Variants in DOT1L observed in about 807,000 individuals in gnomAD.
DOT1L encodes the protein histone-lysine N-methyltransferase, H3 lysine-79 specific.
DOT1L carries 33 observed loss-of-function variants against 153.3 expected under a neutral mutation model. The ratio of observed to expected loss-of-function variants is 0.22; its 90% CI spans 0.16 to 0.29. The LOEUF is 0.29. Ranked by LOEUF, DOT1L falls within the 10% of genes least tolerant of loss-of-function variation. DOT1L has a pLI of 1.00. For synonymous variants in DOT1L, 1,135 were observed against 965.1 expected, an observed-to-expected ratio of 1.18 and a Z score of -3.26; for missense variants, 1,847 against 2,119.9, an observed-to-expected ratio of 0.87 and a Z score of 2.53.
rs1190439336 is a variant in DOT1L, at chr19:2,207,237, G to A, written c.857-337G>A. Among the ~76,000 whole-genome samples the A allele has an allele frequency of 1.3e-5, 2 of 152,218 alleles. No homozygotes were observed. Among genetic ancestry groups the A allele is most frequent in the Non-Finnish European group, 2.9e-5 (2 of 68,024 alleles). On this transcript the variant is annotated intron_variant, in intron 10 of 27. Transcript: ENST00000398665. This position sits in a 1 kb window ranked among gnomAD's most constrained non-coding sequence, Gnocchi z 4.5. ...GCCTCCTCTGAGGGGCTTCCCTGAG[G>A]AGCGCCCACCCGGGAGGTGCCTGTG... is the stretch of plus-strand genomic sequence containing the variant.
chr19:2,220,299 G>C lies in DOT1L; in HGVS notation c.2806+77G>C, dbSNP rs1358028864. 1 of 1,440,568 alleles carries C rather than the reference G, an allele frequency of 6.9e-7. No homozygotes were observed. The highest frequency in any genetic ancestry group is 9.5e-7 in the Non-Finnish European group (1 of 1,051,066). The allele number at this position is 1,440,568 out of a possible 1,614,324, so 89.2% of individuals were successfully genotyped here. A position where few individuals can be genotyped will look rare whatever the true frequency, so the allele number is the denominator to read the frequency against. The stretch of plus-strand genomic sequence containing the variant: ...TTCAGGCAGGAGGGCTGGGTTGCTG[G>C]GAGTGGAACAGGGCTTCCTGGGGTG... On this transcript the variant is annotated intron_variant, in intron 23 of 27. Transcript: ENST00000398665. The surrounding 1 kb of genome is among the most constrained non-coding windows in gnomAD (Gnocchi z 4.5).
chr19:2,212,525 G>A (rs1322205670), intron 16 of DOT1L: 3 of 152,270 alleles, frequency 2.0e-5, no homozygotes, highest in African/African-American at 7.2e-5. Flanking sequence ...TCAGCTCAGG[G>A]ACTGTTCAAG....
Position 2,231,723 on chromosome 19 carries a change from C to T in DOT1L, c.*1931C>T, listed in dbSNP as rs192626755. ...GCCGGATACGCCACAGGGTTGATGG[C>T]AGAGACGGCCGAGTCCCTGGTCTAG... On this transcript the variant is annotated 3_prime_UTR_variant, in exon 28 of 28. Coordinates refer to ENST00000398665, the MANE Select transcript of DOT1L (RefSeq NM_032482.3). 398 of 213,284 alleles carry T rather than the reference C, an allele frequency of 1.9e-3. 1 individual carries two copies. The highest frequency in any genetic ancestry group is 3.3e-3 in the Non-Finnish European group (348 of 105,476). 13.2% of individuals were successfully genotyped at this position (213,284 alleles called of 1,614,324 possible).
At chr19:2,198,178 G>A (rs1317538847) in intron 7 of DOT1L, among the ~76,000 whole-genome samples, 2 of 152,348 alleles carry the variant, frequency 1.3e-5, no homozygotes, top group East Asian at 1.9e-4. Context: ...CCTGTGATGC[G>A]AGCCCGGATC....
rs66826356 is a variant in DOT1L, at chr19:2,167,734, C to CT, written c.81+3488dup. Among the ~76,000 whole-genome samples, 634 of 134,682 alleles carry CT rather than the reference C, an allele frequency of 4.7e-3. 6 individuals carry two copies. Among genetic ancestry groups the CT allele is most frequent in the East Asian group, 0.012 (57 of 4,626 alleles). 88.4% of individuals were successfully genotyped at this position (134,682 alleles called of 152,430 possible). On this transcript the variant is annotated intron_variant, in intron 1 of 27. Transcript: ENST00000398665. ...GGTGGTTCTGATTTTCTTTTCTTTT[C>CT]TTTTTTTTTTTTTTTTTTTGAGACA...
intron 1 of DOT1L, among the ~76,000 whole-genome samples, chr19:2,170,551 C>T (rs116595981): frequency 6.6e-6 from 1 of 152,112 alleles, no homozygotes; most frequent in Admixed American, 6.5e-5. Context: ...CAACTCACTT[C>T]CAGCATGTCT....
At chr19:2,205,358 A>G (rs1403953258) in intron 9 of DOT1L, among the ~76,000 whole-genome samples, 3 of 152,200 alleles carry the variant, frequency 2.0e-5, no homozygotes, top group Non-Finnish European at 4.4e-5. Flanking sequence ...GGCTCCTGAC[A>G]CCAAGTTCTT....
chr19:2,186,906 G>A (rs978287824), intron 3 of DOT1L, among the ~76,000 whole-genome samples: 1 of 152,222 alleles, frequency 6.6e-6, no homozygotes, highest in Non-Finnish European at 1.5e-5. Context: ...GTGATGCAGC[G>A]TGCAGATCAA....
Position 2,217,732 on chromosome 19 carries a change from T to G in DOT1L, c.2545-40T>G. 1 of 1,573,522 alleles carries G rather than the reference T, an allele frequency of 6.4e-7. No individual in the cohort carries two copies. Among genetic ancestry groups the G allele is most frequent in the Admixed American group, 1.8e-5 (1 of 54,508 alleles). On this transcript the variant is annotated intron_variant, in intron 21 of 27. Coordinates refer to ENST00000398665, the MANE Select transcript of DOT1L (RefSeq NM_032482.3). The surrounding 1 kb of genome is among the most constrained non-coding windows in gnomAD (Gnocchi z 7.3). Reference sequence around the variant, plus strand: ...CTGTGGTCCCTGTGTCCTGGAGGGGTTTGTTGACCCACGACTGGGGGTCGG... The same window carrying G: ...CTGTGGTCCCTGTGTCCTGGAGGGGGTTGTTGACCCACGACTGGGGGTCGG...
Position 2,191,583 on chromosome 19 carries a change from TG to T in DOT1L, c.493+346del, listed in dbSNP as rs2022794686. ...TCCCAGAAGCTGCCACTCGCTAGCCTGGGCCCCAGCCCGGGCCCCACCCACG... is the reference window on the plus strand; with the variant it reads ...TCCCAGAAGCTGCCACTCGCTAGCCTGGCCCCAGCCCGGGCCCCACCCACG... On this transcript the variant is annotated intron_variant, in intron 5 of 27. Coordinates refer to ENST00000398665, the MANE Select transcript of DOT1L (RefSeq NM_032482.3). The surrounding 1 kb of genome is among the most constrained non-coding windows in gnomAD (Gnocchi z 6.8). Among the ~76,000 whole-genome samples, 1 of 152,064 alleles carries T rather than the reference TG, an allele frequency of 6.6e-6. No homozygotes were observed. The highest frequency in any genetic ancestry group is 2.4e-5 in the African/African-American group (1 of 41,404).
In DOT1L at chr19:2,208,921, TTTC is replaced by T. The variant is rs747145978; in HGVS notation, c.964-8_964-6del. The T allele has an allele frequency of 2.6e-4, 427 of 1,612,456 alleles. 8 individuals are homozygous for T. In the South Asian group the frequency reaches 4.6e-3, roughly 17 times the overall value. ...GGACTCCCTTCTAATCAGGGTTCTC[TTTC>T]TTCTTTTTAGCTTGAAAACTATTTT... On this transcript the variant is annotated splice_polypyrimidine_tract_variant and intron_variant, in intron 11 of 27. Coordinates refer to ENST00000398665, the MANE Select transcript of DOT1L (RefSeq NM_032482.3). The surrounding 1 kb of genome is among the most constrained non-coding windows in gnomAD (Gnocchi z 4.4).
intron 2 of DOT1L, 82 bp downstream of exon 2, chr19:2,180,838 G>A: frequency 6.5e-7 from 1 of 1,550,274 alleles, no homozygotes; most frequent in South Asian, 1.1e-5. Flanking sequence ...ATTCTGTTGT[G>A]GGGATGGCTC....
intron 1 of DOT1L, among the ~76,000 whole-genome samples, chr19:2,180,072 C>T (rs1029614064): frequency 7.9e-5 from 12 of 152,024 alleles, no homozygotes; most frequent in African/African-American, 2.2e-4. Flanking sequence ...GGGTGCTGGA[C>T]GGGGAGGGAT....
intron 12 of DOT1L, 112 bp downstream of exon 12, chr19:2,209,088 C>G (rs760944984): frequency 2.6e-5 from 33 of 1,258,996 alleles, no homozygotes; most frequent in Non-Finnish European, 3.4e-5. Flanking sequence ...ACAGCCCTGC[C>G]GCCCCTCGGG....
rs772273572 is a variant in DOT1L at position 2,185,889 on chromosome 19, G to A, written c.160G>A (p.Ala54Thr). ...TGAAGAAATCCCGGATCTCAAGCTC[G>A]CTATGGAGAATTACGTTTTAATTGA... ...VCEEIPDLKLAMENYVLIDYD... is the reference protein window; with the variant it reads ...VCEEIPDLKLTMENYVLIDYD... Residue 54 changes from alanine (A) to threonine (T), a missense_variant, in exon 3 of 28, where the codon GCT (alanine) becomes ACT (threonine). This residue lies in a region of DOT1L where 148 missense variants were observed against 422.3 expected (regional missense o/e 0.35). Coordinates refer to ENST00000398665, the MANE Select transcript of DOT1L (RefSeq NM_032482.3). 1 of 1,614,130 alleles carries A rather than the reference G, an allele frequency of 6.2e-7. No homozygotes were observed. The highest frequency in any genetic ancestry group is 8.5e-7 in the Non-Finnish European group (1 of 1,180,024).
At chr19:2,170,315 G>A (rs117473937) in intron 1 of DOT1L, among the ~76,000 whole-genome samples, 1,932 of 152,276 alleles carry the variant, frequency 0.013, 15 homozygotes, top group Middle Eastern at 0.051. Flanking sequence ...GTTGGGAGGC[G>A]TGACTGAAAT....
chr19:2,220,046 G>T lies in DOT1L; in HGVS notation c.2692-62G>T, dbSNP rs2024053795. 6.8e-7 allele frequency: 1 copy of T among 1,477,884 alleles called. No homozygotes were observed. Among genetic ancestry groups the T allele is most frequent in the Admixed American group, 1.9e-5 (1 of 52,646 alleles). The allele number at this position is 1,477,884 out of a possible 1,614,324, so 91.5% of individuals were successfully genotyped here. On this transcript the variant is annotated intron_variant, in intron 22 of 27. Coordinates refer to ENST00000398665, the MANE Select transcript of DOT1L (RefSeq NM_032482.3). The surrounding 1 kb of genome is among the most constrained non-coding windows in gnomAD (Gnocchi z 4.5). Reference sequence around the variant, plus strand: ...CAGGCCTCAACACTCACTGTTTCCAGCTGGGTTCTGGGTCTCCTGGGGCAC... The same window carrying T: ...CAGGCCTCAACACTCACTGTTTCCATCTGGGTTCTGGGTCTCCTGGGGCAC...
chr19:2,227,148 T>TCCGCCCCCCGCC (rs769347714), intron 27 of DOT1L, 21 bp downstream of exon 27: 1 of 1,556,144 alleles, frequency 6.4e-7, no homozygotes, highest in African/African-American at 1.4e-5. Context: ...CGGCCGTCCG[T>TCCGCCCCCCGCC]CCGCCCCCCG....
At chr19:2,219,990 G>A (rs978025211) in intron 22 of DOT1L, 118 bp from the exon 23 acceptor site, 6 of 865,978 alleles carry the variant, frequency 6.9e-6, no homozygotes, top group South Asian at 1.7e-5. Context: ...GGTACTGGAC[G>A]GTGACCCCGG....
Sources: allele counts gnomAD v4.1 joint callset (sites outside exome capture counted in the v4.1 genomes callset), GRCh38; gene constraint gnomAD v4.1.1; regional missense constraint gnomAD v4.1.1; non-coding constraint Gnocchi (gnomAD v3.1); transcripts MANE v1.5; gene names NCBI Gene and HGNC (gene_info 2026-07-23, HGNC 2026-07-21).